Variants in CDH4 observed in about 807,000 individuals in gnomAD.
The protein encoded by CDH4 is cadherin-4.
Under a neutral mutation model 86.0 loss-of-function variants are expected in CDH4, and 33 were observed. The observed-to-expected ratio is 0.38, with a 90% CI of 0.29 to 0.51. CDH4 has a LOEUF of 0.51. Ranked by LOEUF, CDH4 falls within the 20% of genes least tolerant of loss-of-function variation. The pLI is 0.86. For synonymous variants in CDH4, 555 were observed against 549.4 expected, an observed-to-expected ratio of 1.01 and a Z score of -0.14; for missense variants, 1,114 against 1,307.4, an observed-to-expected ratio of 0.85 and a Z score of 2.28.
chr20:61,752,294 T>C (rs1331823198), intron 3 of CDH4, among the ~76,000 whole-genome samples: 2 of 135,602 alleles, frequency 1.5e-5, no homozygotes, highest in African/African-American at 5.7e-5. Context: ...ATCATGCCAC[T>C]GCACTCCAGC....
At position 61,501,307 on chromosome 20, in the gene CDH4, C is replaced by T. The variant is rs2085699279; in HGVS notation, c.170-242256C>T. On this transcript the variant is annotated intron_variant, in intron 2 of 15. Transcript: ENST00000614565. This position sits in a 1 kb window ranked among gnomAD's most constrained non-coding sequence, Gnocchi z 4.2. ...CGATAATACAGCTAATACATTATTGCCTCTGGCTTCCGTGCAGAACAGCGG... is the reference window on the plus strand; with the variant it reads ...CGATAATACAGCTAATACATTATTGTCTCTGGCTTCCGTGCAGAACAGCGG... Among the ~76,000 whole-genome samples, 1 of 152,166 alleles carries T rather than the reference C, an allele frequency of 6.6e-6. No individual in the cohort carries two copies. Among genetic ancestry groups the T allele is most frequent in the Non-Finnish European group, 1.5e-5 (1 of 68,042 alleles).
At chr20:61,758,841 G>A (rs968048525) in intron 3 of CDH4, among the ~76,000 whole-genome samples, 13 of 152,178 alleles carry the variant, frequency 8.5e-5, no homozygotes, top group Non-Finnish European at 1.0e-4. Flanking sequence ...GCAGGCACAC[G>A]GGCCCTCCAG....
intron 2 of CDH4, among the ~76,000 whole-genome samples, chr20:61,265,605 A>G (rs992696967): frequency 6.6e-6 from 1 of 152,182 alleles, no homozygotes; most frequent in African/African-American, 2.4e-5. Context: ...TCAGTCTTAC[A>G]TGGACCTTAG....
chr20:61,431,348 T>G (rs572450191), intron 2 of CDH4, among the ~76,000 whole-genome samples: 1 of 134,088 alleles, frequency 7.5e-6, no homozygotes, highest in Admixed American at 6.9e-5. Flanking sequence ...ATTACTCTCT[T>G]TTTTTTGTTG....
At chr20:61,929,533 A>T in intron 12 of CDH4, 76 bp from the exon 13 acceptor site, 1 of 1,107,280 alleles carries the variant, frequency 9.0e-7, no homozygotes, top group Non-Finnish European at 1.4e-6. Flanking sequence ...TCGGACTTTT[A>T]GTCTTTTCCT....
chr20:61,259,362 C>T, intron 2 of CDH4, among the ~76,000 whole-genome samples: 1 of 152,192 alleles, frequency 6.6e-6, no homozygotes, highest in East Asian at 1.9e-4. Flanking sequence ...ACCACCTCTG[C>T]ATAGATAGGC....
chr20:61,766,051 C>T (rs2088694701), intron 3 of CDH4, among the ~76,000 whole-genome samples: 1 of 151,986 alleles, frequency 6.6e-6, no homozygotes, highest in East Asian at 1.9e-4. Context: ...GCCCTGGGTT[C>T]TCTAGGACCC....
At chr20:61,698,236 T>C (rs545029363) in intron 2 of CDH4, among the ~76,000 whole-genome samples, 39 of 152,320 alleles carry the variant, frequency 2.6e-4, no homozygotes, top group African/African-American at 9.1e-4. Flanking sequence ...CAAAGCCAAG[T>C]GCAGCCCCCA....
At chr20:61,282,562 T>C (rs1488594359) in intron 2 of CDH4, among the ~76,000 whole-genome samples, 1 of 152,014 alleles carries the variant, frequency 6.6e-6, no homozygotes, top group East Asian at 1.9e-4. Flanking sequence ...TGTGTGTGTG[T>C]GTGTGTGTGT....
At chr20:61,272,184 C>T (rs2084186965) in intron 2 of CDH4, among the ~76,000 whole-genome samples, 1 of 152,140 alleles carries the variant, frequency 6.6e-6, no homozygotes, top group Admixed American at 6.5e-5. Flanking sequence ...AGAGACATGC[C>T]CCATTGTTGG....
intron 8 of CDH4, among the ~76,000 whole-genome samples, chr20:61,904,321 G>A (rs1453663606): frequency 6.6e-6 from 1 of 152,166 alleles, no homozygotes; most frequent in Non-Finnish European, 1.5e-5. Context: ...GAGCATGGGG[G>A]TCACCAGGCA....
intron 6 of CDH4, among the ~76,000 whole-genome samples, chr20:61,853,373 C>A (rs564987682): frequency 6.6e-6 from 1 of 152,108 alleles, no homozygotes; most frequent in Non-Finnish European, 1.5e-5. Flanking sequence ...CCCAGCTAAA[C>A]GTAAGATTTG....
chr20:61,416,030 G>A (rs1247619675), intron 2 of CDH4, among the ~76,000 whole-genome samples: 6 of 111,740 alleles, frequency 5.4e-5, no homozygotes, highest in African/African-American at 7.1e-5. Flanking sequence ...TTTTTTCCCC[G>A]AAACAGAGTC....
intron 2 of CDH4, among the ~76,000 whole-genome samples, chr20:61,358,070 G>T (rs28476771): frequency 0.029 from 4,467 of 152,218 alleles, 176 homozygotes; most frequent in African/African-American, 0.097. Flanking sequence ...TGTCGCTCTG[G>T]GAAGACATGT....
chr20:61,508,529 G>A (rs555456166), intron 2 of CDH4, among the ~76,000 whole-genome samples: 26 of 152,356 alleles, frequency 1.7e-4, no homozygotes, highest in African/African-American at 5.1e-4. Context: ...GGACAGTGGC[G>A]GAGCCCACTG....
intron 2 of CDH4, among the ~76,000 whole-genome samples, chr20:61,553,638 G>A (rs560119728): frequency 6.6e-6 from 1 of 152,306 alleles, no homozygotes; most frequent in East Asian, 1.9e-4. Flanking sequence ...TTTCCAAATG[G>A]CAGCACAGAT....
At chr20:61,560,821 G>A (rs1431217959) in intron 2 of CDH4, among the ~76,000 whole-genome samples, 2 of 152,170 alleles carry the variant, frequency 1.3e-5, no homozygotes, top group Non-Finnish European at 2.9e-5. Context: ...GGATAGTCCT[G>A]GCCTTCGCAG....
intron 2 of CDH4, among the ~76,000 whole-genome samples, chr20:61,567,987 G>T (rs1262747876): frequency 6.6e-6 from 1 of 152,006 alleles, no homozygotes; most frequent in Non-Finnish European, 1.5e-5. Flanking sequence ...AAAAAGAAAA[G>T]AAAATATATT....
At position 61,742,411 on chromosome 20, in the gene CDH4, C is replaced by T. The variant is rs146461818; in HGVS notation, c.170-1152C>T. 2.3e-4 allele frequency among the ~76,000 whole-genome samples: 35 copies of T among 152,258 alleles called. No homozygotes were observed. In the East Asian group the frequency reaches 4.0e-3, roughly 18 times the overall value. ...AACTATTGAGAAGAGGGAACAGACA[C>T]GTTATTTATTCTTTCAAGGCAGGCA... is the stretch of plus-strand genomic sequence containing the variant. On this transcript the variant is annotated intron_variant, in intron 2 of 15. Transcript: ENST00000614565.
Sources: allele counts gnomAD v4.1 joint callset (sites outside exome capture counted in the v4.1 genomes callset), GRCh38; gene constraint gnomAD v4.1.1; non-coding constraint Gnocchi (gnomAD v3.1); transcripts MANE v1.5; gene names NCBI Gene and HGNC (gene_info 2026-07-23, HGNC 2026-07-21).